Variants in SYNE3 observed in about 807,000 individuals in gnomAD.
The protein encoded by SYNE3 is spectrin repeat containing nuclear envelope family member 3, also known as nesprin-3.
In SYNE3, 100 loss-of-function variants were observed where a neutral mutation model predicts 111.2. The ratio of observed to expected loss-of-function variants is 0.90; its 90% CI spans 0.77 to 1.06. SYNE3 has a LOEUF of 1.06. Ranked by LOEUF, SYNE3 falls within the 50% of genes least tolerant of loss-of-function variation. The pLI is 0.00. For synonymous variants in SYNE3, 547 were observed against 533.9 expected (o/e 1.02, Z -0.34); for missense variants, 1,160 against 1,240.3 (o/e 0.94, Z 0.97).
At chr14:95,437,613 T>C (rs993583487) in intron 14 of SYNE3, among the ~76,000 whole-genome samples, 2 of 152,244 alleles carry the variant, frequency 1.3e-5, no homozygotes, top group Non-Finnish European at 2.9e-5. Flanking sequence ...TAGGAACTGC[T>C]GCAGGCTCCC....
At chr14:95,489,149 T>A (rs1347645194) in intron 1 of SYNE3, among the ~76,000 whole-genome samples, 1 of 152,184 alleles carries the variant, frequency 6.6e-6, no homozygotes, top group Non-Finnish European at 1.5e-5. Context: ...CAGGCAACTC[T>A]CTGAGGACAG....
intron 1 of SYNE3, among the ~76,000 whole-genome samples, chr14:95,501,884 C>T (rs1359133019): frequency 6.6e-6 from 1 of 152,148 alleles, no homozygotes; most frequent in Non-Finnish European, 1.5e-5. Flanking sequence ...AGGGGTTGGC[C>T]CCAAGCACAA....
At chr14:95,496,486 T>C (rs547308364) in intron 1 of SYNE3, among the ~76,000 whole-genome samples, 3 of 152,330 alleles carry the variant, frequency 2.0e-5, no homozygotes, top group South Asian at 4.1e-4. Flanking sequence ...GTCTGTGAGC[T>C]GGGGATTTTA....
At position 95,455,518 on chromosome 14, in the gene SYNE3, G is replaced by A. The variant is rs376060946; in HGVS notation, c.996C>T (p.Ala332=). ...RLRGLLRSRG[A]WEQQIKQLEA... ...CCAGCTGCTTAATCTGCTGCTCCCA[G>A]GCTCCCCTGGACCGGAGCAGGCCCC... Residue 332 remains alanine, a synonymous_variant, in exon 6 of 18, where the codon GCC becomes GCT. Transcript: ENST00000682763. 145 of 1,613,796 alleles carry A rather than the reference G, an allele frequency of 9.0e-5. 2 individuals are homozygous for A. In the Middle Eastern group the frequency reaches 9.7e-3, roughly 108 times the overall value.
At chr14:95,420,080 G>T (rs146207611) in intron 17 of SYNE3, among the ~76,000 whole-genome samples, 1 of 151,206 alleles carries the variant, frequency 6.6e-6, no homozygotes, top group Admixed American at 6.6e-5. Flanking sequence ...TGTGCCTCCA[G>T]TCTCAAATGT....
rs1479418046 is a variant in SYNE3, at chr14:95,455,666, G to A, written c.848C>T (p.Ser283Phe). The change falls in exon 6 of 18, where the codon TCT (serine) becomes TTT (phenylalanine). Residue 283 changes from serine (S) to phenylalanine (F), a missense_variant. Transcript: ENST00000682763. ...EESLETLEEQ[S>F]AGVIRNTSPL... ...AGAGGTGTTCCGAATGACACCCGCA[G>A]ACTGCTCCTCCAGCGTCTCCAGAGA... 3 of 1,614,096 alleles carry A rather than the reference G, an allele frequency of 1.9e-6. No homozygotes were observed. Among genetic ancestry groups the A allele is most frequent in the South Asian group, 2.2e-5 (2 of 91,092 alleles).
intron 1 of SYNE3, among the ~76,000 whole-genome samples, chr14:95,507,685 A>G (rs1212115917): frequency 6.6e-6 from 1 of 152,258 alleles, no homozygotes; most frequent in East Asian, 1.9e-4. Context: ...GCAAACAGAT[A>G]CATAGGCAAA....
chr14:95,494,676 C>G (rs1202930054), intron 1 of SYNE3, among the ~76,000 whole-genome samples: 1 of 152,190 alleles, frequency 6.6e-6, no homozygotes, highest in African/African-American at 2.4e-5. Flanking sequence ...GTCAGGGCAG[C>G]ATCTGCTCAA....
At chr14:95,513,594 C>T (rs561744799) in intron 1 of SYNE3, among the ~76,000 whole-genome samples, 5 of 151,948 alleles carry the variant, frequency 3.3e-5, no homozygotes, top group South Asian at 2.1e-4. Flanking sequence ...ACTTGTCCCC[C>T]GTCCACTTCC....
intron 1 of SYNE3, among the ~76,000 whole-genome samples, chr14:95,494,516 G>T (rs1889998002): frequency 6.6e-6 from 1 of 152,170 alleles, no homozygotes; most frequent in African/African-American, 2.4e-5. Context: ...AGAGACGGGA[G>T]GAGGCCATAC....
At chr14:95,467,092 A>G (rs1888234993) in intron 3 of SYNE3, among the ~76,000 whole-genome samples, 1 of 152,168 alleles carries the variant, frequency 6.6e-6, no homozygotes, top group South Asian at 2.1e-4. Flanking sequence ...ACATCAAGTC[A>G]CTGTGTTAGG....
chr14:95,440,576 T>C (rs746806416), intron 11 of SYNE3, among the ~76,000 whole-genome samples: 8 of 152,200 alleles, frequency 5.3e-5, no homozygotes, highest in Non-Finnish European at 1.0e-4. Flanking sequence ...ATTCACACAA[T>C]GGAATGTTTT....
chr14:95,515,781 G>A (rs1890899000), intron 1 of SYNE3, among the ~76,000 whole-genome samples: 1 of 152,164 alleles, frequency 6.6e-6, no homozygotes, highest in South Asian at 2.1e-4. Context: ...GGAGCTTCAG[G>A]GCCAAAGTGG....
In SYNE3 at chr14:95,415,313, C is replaced by T. The variant is rs1362766444; in HGVS notation, c.*2513G>A. On this transcript the variant is annotated 3_prime_UTR_variant, in exon 18 of 18. Transcript: ENST00000682763. ...ACCCACCCTGCCACTGCTCTGACTT[C>T]CAGGACTGGACATCTGGGCTTGGCT... 7.0e-6 allele frequency: 1 copy of T among 142,814 alleles called. No homozygotes were observed. The highest frequency in any genetic ancestry group is 7.9e-5 in the Admixed American group (1 of 12,730). The allele number at this position is 142,814 out of a possible 1,614,324, so 8.8% of individuals were successfully genotyped here. A position where few individuals can be genotyped will look rare whatever the true frequency, so the allele number is the denominator to read the frequency against.
At chr14:95,436,693 T>C in intron 15 of SYNE3, 127 bp downstream of exon 15, 1 of 1,131,730 alleles carries the variant, frequency 8.8e-7, no homozygotes, top group South Asian at 1.6e-5. Flanking sequence ...TAAAAGCGAT[T>C]ATCTATACAC....
In SYNE3 at chr14:95,411,329, AAAAAAG is replaced by A. The variant is rs1239792503; in HGVS notation, c.*6491_*6496del. ...TAATTTTAACATAAATTCAAAAAAA[AAAAAAG>A]AAAAAAGAAAAGGAGACCAGAATTG... On this transcript the variant is annotated 3_prime_UTR_variant, in exon 18 of 18. Transcript: ENST00000682763. 12 of 151,548 alleles carry A rather than the reference AAAAAAG, an allele frequency of 7.9e-5. No individual in the cohort carries two copies. Among genetic ancestry groups the A allele is most frequent in the Non-Finnish European group, 1.6e-4 (11 of 67,900 alleles). 9.4% of individuals were successfully genotyped at this position (151,548 alleles called of 1,614,324 possible).
chr14:95,504,362 C>T (rs1278135727), intron 1 of SYNE3, among the ~76,000 whole-genome samples: 3 of 152,244 alleles, frequency 2.0e-5, no homozygotes, highest in Admixed American at 1.3e-4. Flanking sequence ...TGCCTATCAG[C>T]ACAGCATTCC....
At position 95,513,737 on chromosome 14, in the gene SYNE3, TTATATATATATATA is replaced by T. The variant is rs59944497; in HGVS notation, c.-15+2845_-15+2858del. ...TTGTGGTCCAGTCAGGCTGCTTAGA[TTATATATATATATA>T]TATATATATATATATATATATTCAG... On this transcript the variant is annotated intron_variant, in intron 1 of 17. Transcript: ENST00000682763. Among the ~76,000 whole-genome samples, 23 of 92,506 alleles carry T rather than the reference TTATATATATATATA, an allele frequency of 2.5e-4. 1 individual carries two copies. Among genetic ancestry groups the T allele is most frequent in the African/African-American group, 4.7e-4 (10 of 21,378 alleles). 60.7% of individuals were successfully genotyped at this position (92,506 alleles called of 152,430 possible). A position where few individuals can be genotyped will look rare whatever the true frequency, so the allele number is the denominator to read the frequency against.
rs759206088 is a variant in SYNE3, at chr14:95,439,830, G to A, written c.2074-46C>T. On this transcript the variant is annotated intron_variant, in intron 12 of 17. Transcript: ENST00000682763. ...CAGACACACACACGGTGAGGGTGGA[G>A]GGAGGTTTCTGCTCCTTGGTGTGGG... The A allele has an allele frequency of 3.1e-6, 5 of 1,592,600 alleles. No homozygotes were observed. The Admixed American group carries it at 5.1e-5, about 16-fold the overall frequency.
Sources: allele counts gnomAD v4.1 joint callset (sites outside exome capture counted in the v4.1 genomes callset), GRCh38; gene constraint gnomAD v4.1.1; transcripts MANE v1.5; gene names NCBI Gene and HGNC (gene_info 2026-07-23, HGNC 2026-07-21).